TMPRSS4: variants seen among roughly 807,000 people sequenced by gnomAD.
The protein encoded by TMPRSS4 is transmembrane serine protease 4.
TMPRSS4 carries 45 observed loss-of-function variants against 56.4 expected under a neutral mutation model. The observed-to-expected ratio is 0.80, with a 90% CI of 0.63 to 1.02. The LOEUF (loss-of-function observed/expected upper bound fraction) is 1.02. Ranked by LOEUF, TMPRSS4 falls within the 50% of genes least tolerant of loss-of-function variation. The pLI is 0.00. For synonymous variants in TMPRSS4, 205 were observed against 211.0 expected, an observed-to-expected ratio of 0.97 and a Z score of 0.25; for missense variants, 546 against 556.7, an observed-to-expected ratio of 0.98 and a Z score of 0.19.
chr11:118,089,837 A>G (rs919108504), intron 1 of TMPRSS4, among the ~76,000 whole-genome samples: 4 of 152,144 alleles, frequency 2.6e-5, no homozygotes, highest in Non-Finnish European at 4.4e-5. Flanking sequence ...TTAATATTAC[A>G]TTCTAATATC....
rs1426990348 is a variant in TMPRSS4, at chr11:118,117,838, A to G, written c.1303-64A>G. 9 of 1,613,882 alleles carry G rather than the reference A, an allele frequency of 5.6e-6. No individual in the cohort carries two copies. The East Asian group carries it at 1.3e-4, about 24-fold the overall frequency. ...CAGAAAAGGAAGACTCACGTTACAC[A>G]TGTCACCACTTTGTCCAGTTTCAGA... is the stretch of plus-strand genomic sequence containing the variant. On this transcript the variant is annotated intron_variant, in intron 12 of 12. Coordinates refer to ENST00000437212, the MANE Select transcript of TMPRSS4 (RefSeq NM_019894.4).
rs765307815 is a variant in TMPRSS4, at chr11:118,108,837, C to T, written c.543-19C>T. 6.8e-6 allele frequency: 11 copies of T among 1,613,924 alleles called. No homozygotes were observed. Among genetic ancestry groups the T allele is most frequent in the East Asian group, 4.5e-5 (2 of 44,874 alleles). On this transcript the variant is annotated intron_variant, in intron 6 of 12. Transcript: ENST00000437212. Reference sequence around the variant, plus strand: ...TGAGGAAGAAGCTTAAATCACAGGGCGCTGTGTCTGTCTTCCAGGCCCTGT... The same window carrying T: ...TGAGGAAGAAGCTTAAATCACAGGGTGCTGTGTCTGTCTTCCAGGCCCTGT...
chr11:118,113,197 C>T, intron 8 of TMPRSS4, 72 bp from the exon 9 acceptor site: 2 of 1,513,568 alleles, frequency 1.3e-6, no homozygotes, highest in Non-Finnish European at 1.8e-6. Context: ...CCCTAGGGCC[C>T]TGGGGACCCA....
intron 11 of TMPRSS4, 46 bp from the exon 12 acceptor site, chr11:118,117,259 C>G (rs537079309): frequency 2.5e-6 from 4 of 1,606,946 alleles, no homozygotes; most frequent in Admixed American, 1.7e-5. Context: ...GAAGCCCCCC[C>G]ACCTCACCTG....
At chr11:118,093,211 T>G (rs1246063757) in intron 1 of TMPRSS4, among the ~76,000 whole-genome samples, 2 of 152,176 alleles carry the variant, frequency 1.3e-5, no homozygotes, top group Non-Finnish European at 2.9e-5. Flanking sequence ...CCACCGTGCT[T>G]AGCCGTGGAG....
At position 118,099,362 on chromosome 11, in the gene TMPRSS4, G is replaced by C. The variant is rs139812713; in HGVS notation, c.157+264G>C. Among the ~76,000 whole-genome samples, 499 of 151,444 alleles carry C rather than the reference G, an allele frequency of 3.3e-3. 1 individual carries two copies. The highest frequency in any genetic ancestry group is 0.011 in the African/African-American group (443 of 41,204). ...CCCACCCCCACAGTCAGGGGCAGGT[G>C]ATCTGCATAAAGCTTTGCAGAAAAA... On this transcript the variant is annotated intron_variant, in intron 3 of 12. Transcript: ENST00000437212.
intron 5 of TMPRSS4, chr11:118,107,351 C>T (rs542644274): frequency 6.4e-6 from 1 of 155,122 alleles, no homozygotes; most frequent in Admixed American, 6.5e-5. Context: ...ACGAAATATC[C>T]ACATTCCAAC....
intron 1 of TMPRSS4, among the ~76,000 whole-genome samples, chr11:118,083,423 G>T (rs776222470): frequency 6.6e-6 from 1 of 152,082 alleles, no homozygotes; most frequent in South Asian, 2.1e-4. Context: ...CCCCAGATGC[G>T]CTTAGTCCAC....
intron 3 of TMPRSS4, among the ~76,000 whole-genome samples, chr11:118,102,698 G>A (rs1398299451): frequency 6.6e-6 from 1 of 152,120 alleles, no homozygotes; most frequent in East Asian, 1.9e-4. Flanking sequence ...GACAGAGTGA[G>A]ACTCGGTCTC....
intron 7 of TMPRSS4, 51 bp downstream of exon 7, chr11:118,108,947 G>T: frequency 1.3e-6 from 2 of 1,594,096 alleles, no homozygotes; most frequent in Non-Finnish European, 1.7e-6. Context: ...GCAATGAGCA[G>T]GGAGGAAGAC....
chr11:118,098,961 C>T (rs371881656), intron 2 of TMPRSS4, 24 bp from the exon 3 acceptor site: 2 of 1,589,864 alleles, frequency 1.3e-6, no homozygotes, highest in African/African-American at 1.3e-5. Flanking sequence ...ATGCTCTTCC[C>T]CTCTGCCTCC....
chr11:118,087,240 C>T (rs1223077723), intron 1 of TMPRSS4, among the ~76,000 whole-genome samples: 1 of 152,172 alleles, frequency 6.6e-6, no homozygotes. Context: ...TCCAGCTCTG[C>T]CCTTACTGAC....
At chr11:118,094,535 G>A (rs758617292) in intron 1 of TMPRSS4, among the ~76,000 whole-genome samples, 7 of 152,178 alleles carry the variant, frequency 4.6e-5, no homozygotes, top group Non-Finnish European at 7.3e-5. Flanking sequence ...GAATCATCTT[G>A]AGGAATTCAG....
intron 8 of TMPRSS4, among the ~76,000 whole-genome samples, 180 bp downstream of exon 8, chr11:118,112,080 T>C (rs1947306161): frequency 6.6e-6 from 1 of 152,206 alleles, no homozygotes; most frequent in Non-Finnish European, 1.5e-5. Context: ...TTTGGGTGTC[T>C]GAGCAGAGGG....
intron 3 of TMPRSS4, 181 bp downstream of exon 3, chr11:118,099,279 A>C: frequency 4.2e-6 from 2 of 474,290 alleles, no homozygotes; most frequent in Non-Finnish European, 3.8e-6. Context: ...CCCTCCCATT[A>C]TCACCTCAGT....
intron 7 of TMPRSS4, among the ~76,000 whole-genome samples, chr11:118,109,857 C>A (rs1032980802): frequency 6.6e-6 from 1 of 152,156 alleles, no homozygotes; most frequent in South Asian, 2.1e-4. Flanking sequence ...ATACCTAGTG[C>A]GTGGGATCTG....
At chr11:118,090,388 C>T (rs947376289) in intron 1 of TMPRSS4, among the ~76,000 whole-genome samples, 4 of 152,124 alleles carry the variant, frequency 2.6e-5, no homozygotes, top group East Asian at 3.9e-4. Context: ...TTCTAGCTTA[C>T]GGTTTTGCTT....
chr11:118,077,315 G>A lies in TMPRSS4; in HGVS notation c.3+10G>A. Reference sequence around the variant, plus strand: ...TCACAGAGCCAGCATGGTGAGTGTGGGGCCCTCTGCTCCCAAGACACAGGA... The same window carrying A: ...TCACAGAGCCAGCATGGTGAGTGTGAGGCCCTCTGCTCCCAAGACACAGGA... On this transcript the variant is annotated intron_variant, in intron 1 of 12. Transcript: ENST00000437212. The A allele has an allele frequency of 6.3e-7, 1 of 1,598,552 alleles. No individual in the cohort carries two copies. Among genetic ancestry groups the A allele is most frequent in the Non-Finnish European group, 8.5e-7 (1 of 1,172,532 alleles).
intron 1 of TMPRSS4, among the ~76,000 whole-genome samples, chr11:118,080,483 G>GA (rs1335473858): frequency 1.3e-5 from 2 of 152,126 alleles, no homozygotes; most frequent in Non-Finnish European, 2.9e-5. Context: ...CCTGACCCTG[G>GA]GGGTCAAGCT....
Sources: gnomAD v4.1 joint callset for allele counts (sites outside exome capture counted in the v4.1 genomes callset) on GRCh38, gnomAD v4.1.1 for gene constraint, MANE v1.5 for transcripts, NCBI Gene and HGNC (gene_info 2026-07-23, HGNC 2026-07-21) for gene names.